LARGE1: variants seen among roughly 807,000 people sequenced by gnomAD.
LARGE1 encodes the protein LARGE xylosyl- and glucuronyltransferase 1.
Under a neutral mutation model 87.6 loss-of-function variants are expected in LARGE1, and 43 were observed. The ratio of observed to expected loss-of-function variants is 0.49; its 90% CI spans 0.38 to 0.63. The LOEUF (loss-of-function observed/expected upper bound fraction) is 0.63. Ranked by LOEUF, LARGE1 falls within the 30% of genes least tolerant of loss-of-function variation. The pLI is 0.00. For missense variants in LARGE1, 802 were observed against 1,000.2 expected (o/e 0.80, Z 2.67); for synonymous variants, 434 against 394.6 (o/e 1.10, Z -1.18).
At chr22:33,842,617 C>G (rs549975739) in intron 1 of LARGE1, among the ~76,000 whole-genome samples, 1 of 152,148 alleles carries the variant, frequency 6.6e-6, no homozygotes, top group African/African-American at 2.4e-5. Flanking sequence ...CACGAAACAC[C>G]AGGTGCAGCT....
intron 5 of LARGE1, among the ~76,000 whole-genome samples, chr22:33,568,143 G>T (rs1377123805): frequency 2.6e-5 from 4 of 152,232 alleles, no homozygotes; most frequent in African/African-American, 9.6e-5. Context: ...CTGGAATCCA[G>T]AGAGAATTGC....
At chr22:33,364,190 G>A (rs1429250750) in intron 9 of LARGE1, among the ~76,000 whole-genome samples, 1 of 152,158 alleles carries the variant, frequency 6.6e-6, no homozygotes, top group African/African-American at 2.4e-5. Context: ...GAGTAGCTGG[G>A]ACTACAGGCG....
chr22:33,413,081 T>C (rs752377606), intron 7 of LARGE1, among the ~76,000 whole-genome samples: 3 of 152,246 alleles, frequency 2.0e-5, no homozygotes, highest in Non-Finnish European at 4.4e-5. Flanking sequence ...TTCTAGACTA[T>C]TTTTGTCCTT....
intron 11 of LARGE1, among the ~76,000 whole-genome samples, chr22:33,308,352 C>T (rs1935179836): frequency 6.6e-6 from 1 of 152,202 alleles, no homozygotes; most frequent in African/African-American, 2.4e-5. Flanking sequence ...GCATATCACA[C>T]AGCTTGCAAC....
intron 6 of LARGE1, among the ~76,000 whole-genome samples, chr22:33,504,113 G>A (rs966810901): frequency 2.6e-5 from 4 of 152,186 alleles, no homozygotes; most frequent in Non-Finnish European, 5.9e-5. Context: ...GCTGCCTAGG[G>A]CAGCGGTAAT....
At chr22:33,785,942 G>A (rs1197500426) in intron 1 of LARGE1, among the ~76,000 whole-genome samples, 1 of 152,140 alleles carries the variant, frequency 6.6e-6, no homozygotes, top group African/African-American at 2.4e-5. Context: ...ACCAGGGCAG[G>A]GTGGTAAAAA....
intron 1 of LARGE1, among the ~76,000 whole-genome samples, chr22:33,767,746 T>G (rs1010568700): frequency 6.6e-6 from 1 of 152,066 alleles, no homozygotes; most frequent in African/African-American, 2.4e-5. Context: ...AATAAAAATC[T>G]AAGAAAAAAA....
intron 2 of LARGE1, among the ~76,000 whole-genome samples, chr22:33,711,265 C>A (rs1603221716): frequency 6.6e-6 from 1 of 152,282 alleles, no homozygotes; most frequent in South Asian, 2.1e-4. Context: ...GCGAAGCGTC[C>A]AGGGGGTCTG....
intron 3 of LARGE1, among the ~76,000 whole-genome samples, chr22:33,637,813 A>G (rs2080312855): frequency 6.6e-6 from 1 of 152,228 alleles, no homozygotes; most frequent in Non-Finnish European, 1.5e-5. Flanking sequence ...TCCCCAACCA[A>G]GCTGCTCCCA....
chr22:33,893,013 T>G (rs2065043614), intron 1 of LARGE1, among the ~76,000 whole-genome samples: 2 of 152,206 alleles, frequency 1.3e-5, no homozygotes, highest in African/African-American at 4.8e-5. Flanking sequence ...CAACCTACAG[T>G]GGTTAATTTT....
chr22:33,873,636 A>T (rs2064373339), intron 1 of LARGE1, among the ~76,000 whole-genome samples: 1 of 152,130 alleles, frequency 6.6e-6, no homozygotes, highest in Non-Finnish European at 1.5e-5. Flanking sequence ...AGGGTCCAAC[A>T]ACGTGCCTCT....
At chr22:33,405,519 A>G (rs939884157) in intron 7 of LARGE1, among the ~76,000 whole-genome samples, 6 of 152,124 alleles carry the variant, frequency 3.9e-5, no homozygotes, top group African/African-American at 9.7e-5. Flanking sequence ...CAACATTACT[A>G]TGTGTAATTT....
chr22:33,911,750 T>TC (rs1355224778), intron 1 of LARGE1, among the ~76,000 whole-genome samples: 1 of 152,358 alleles, frequency 6.6e-6, no homozygotes, highest in Admixed American at 6.5e-5. Flanking sequence ...TATTGTACTC[T>TC]CCTTGCCTTT....
chr22:33,820,063 C>T (rs1430251556), intron 1 of LARGE1, among the ~76,000 whole-genome samples: 2 of 152,158 alleles, frequency 1.3e-5, no homozygotes, highest in East Asian at 3.9e-4. Flanking sequence ...CCCCTGCTTT[C>T]ACTCACCCCA....
chr22:33,476,123 C>G (rs181057161), intron 6 of LARGE1, among the ~76,000 whole-genome samples: 1 of 152,246 alleles, frequency 6.6e-6, no homozygotes, highest in Non-Finnish European at 1.5e-5. Flanking sequence ...TATTCTAAAA[C>G]AATTCTGCTG....
intron 7 of LARGE1, among the ~76,000 whole-genome samples, chr22:33,423,229 A>T (rs1161522288): frequency 6.6e-6 from 1 of 152,152 alleles, no homozygotes; most frequent in African/African-American, 2.4e-5. Flanking sequence ...TTCTATCCCA[A>T]ATACAGGCAC....
At chr22:33,744,011 C>T (rs1016641586) in intron 2 of LARGE1, 58 of 152,152 alleles carry the variant, frequency 3.8e-4, no homozygotes, top group African/African-American at 1.4e-3. Context: ...CATCATGCCC[C>T]GCTGGCTGTG....
chr22:33,128,145 G>A, the LARGE1 span, among the ~76,000 whole-genome samples: 3,458 of 152,232 alleles, frequency 0.023, 68 homozygotes, highest in Middle Eastern at 0.051. Context: ...AGAGAAATAG[G>A]AATGCTTTTA....
At chr22:33,294,578 C>T (rs1227025374) in intron 12 of LARGE1, among the ~76,000 whole-genome samples, 4 of 152,198 alleles carry the variant, frequency 2.6e-5, no homozygotes, top group African/African-American at 9.7e-5. Flanking sequence ...CCTCCCCGTA[C>T]CTCCCTTCCC....
Sources: allele counts gnomAD v4.1 joint callset (sites outside exome capture counted in the v4.1 genomes callset), GRCh38; gene constraint gnomAD v4.1.1; transcripts MANE v1.5; gene names NCBI Gene and HGNC (gene_info 2026-07-23, HGNC 2026-07-21).